TBXAS1: variants seen among roughly 807,000 people sequenced by gnomAD.
TBXAS1 encodes the protein thromboxane A synthase 1, also known as thromboxane-A synthase.
In TBXAS1, 48 loss-of-function variants were observed where a neutral mutation model predicts 60.7. The ratio of observed to expected loss-of-function variants is 0.79; its 90% CI spans 0.63 to 1.01. TBXAS1 has a LOEUF of 1.01. Ranked by LOEUF, TBXAS1 falls within the 50% of genes least tolerant of loss-of-function variation. The pLI is 0.00. For missense variants in TBXAS1, 685 were observed against 686.3 expected, an observed-to-expected ratio of 1.00 and a Z score of 0.02; for synonymous variants, 287 against 269.7, an observed-to-expected ratio of 1.06 and a Z score of -0.63.
At position 139,975,929 on chromosome 7, in the gene TBXAS1, T is replaced by C. The variant is rs1237422165; in HGVS notation, c.1134+13696T>C. Among the ~76,000 whole-genome samples, 2 of 152,236 alleles carry C rather than the reference T, an allele frequency of 1.3e-5. No individual in the cohort carries two copies. The highest frequency in any genetic ancestry group is 4.8e-5 in the African/African-American group (2 of 41,464). On this transcript the variant is annotated intron_variant, in intron 9 of 12. Transcript: ENST00000448866. This position sits in a 1 kb window ranked among gnomAD's most constrained non-coding sequence, Gnocchi z 4.4. ...AAACAGAGACGTCACCCAGGGTTGC[T>C]TTCTGCCACAGCAGGCACTCTGCTT...
At chr7:139,980,625 T>C (rs1156370534) in intron 9 of TBXAS1, among the ~76,000 whole-genome samples, 1 of 151,578 alleles carries the variant, frequency 6.6e-6, no homozygotes, top group Non-Finnish European at 1.5e-5. Context: ...CTCCACTTCC[T>C]CCCCTCGTTT....
intron 5 of TBXAS1, among the ~76,000 whole-genome samples, chr7:139,939,750 G>T (rs1212179659): frequency 6.6e-6 from 1 of 152,094 alleles, no homozygotes; most frequent in East Asian, 1.9e-4. Context: ...ATATTTAAGG[G>T]AGGAGCGGAG....
chr7:139,969,944 C>T (rs540129459), intron 9 of TBXAS1, among the ~76,000 whole-genome samples: 2 of 152,326 alleles, frequency 1.3e-5, no homozygotes, highest in Non-Finnish European at 1.5e-5. Context: ...CAAAGAACAG[C>T]GTCACTGCAG....
At chr7:139,809,249 A>AGAT (rs1461983993) in intron 4 of TBXAS1, among the ~76,000 whole-genome samples, 104 of 144,484 alleles carry the variant, frequency 7.2e-4, no homozygotes, top group African/African-American at 2.8e-3. Flanking sequence ...ATAGATAGAT[A>AGAT]GATAGATAGA....
intron 10 of TBXAS1, among the ~76,000 whole-genome samples, chr7:140,010,809 G>T (rs958862109): frequency 6.6e-6 from 1 of 152,126 alleles, no homozygotes; most frequent in African/African-American, 2.4e-5. Flanking sequence ...AATCTCTTAC[G>T]GGCAGGAACA....
intron 4 of TBXAS1, among the ~76,000 whole-genome samples, chr7:139,807,230 T>C (rs1797900504): frequency 1.3e-5 from 2 of 152,180 alleles, no homozygotes; most frequent in African/African-American, 2.4e-5. Flanking sequence ...TGCTGGATTC[T>C]GTTTCCTGCT....
chr7:139,898,651 T>C (rs531918760), intron 3 of TBXAS1, among the ~76,000 whole-genome samples: 7 of 152,198 alleles, frequency 4.6e-5, no homozygotes, highest in Admixed American at 6.5e-5. Flanking sequence ...GTGGGGGGTG[T>C]TGGGCTCCTG....
At chr7:139,905,469 C>T (rs1805003795) in intron 3 of TBXAS1, among the ~76,000 whole-genome samples, 2 of 152,104 alleles carry the variant, frequency 1.3e-5, no homozygotes, top group Admixed American at 1.3e-4. Context: ...ATGAAACCCA[C>T]CTGATGTTCG....
At chr7:139,931,090 CAT>C (rs1026577513) in intron 4 of TBXAS1, among the ~76,000 whole-genome samples, 32 of 152,002 alleles carry the variant, frequency 2.1e-4, no homozygotes, top group African/African-American at 7.3e-4. Context: ...TACATACACA[CAT>C]ACACACACAT....
In TBXAS1 at chr7:139,957,764, G is replaced by A. The variant is rs1241565356; in HGVS notation, c.819G>A (p.Glu273=). 2 of 1,614,050 alleles carry A rather than the reference G, an allele frequency of 1.2e-6. No individual in the cohort carries two copies. Among genetic ancestry groups the A allele is most frequent in the Admixed American group, 1.7e-5 (1 of 60,000 alleles). ...IALRDQQAAE[E]RRRDFLQMVL... ...TGCGGGACCAGCAAGCTGCCGAAGAGGTAACGTATTTTAATAGGACACAGC... is the reference window on the plus strand; with the variant it reads ...TGCGGGACCAGCAAGCTGCCGAAGAAGTAACGTATTTTAATAGGACACAGC... The change falls in exon 8 of 13, where the codon GAG becomes GAA. Residue 273 remains glutamate (E), a splice_region_variant and synonymous_variant. Coordinates refer to ENST00000448866, the MANE Select transcript of TBXAS1 (RefSeq NM_001061.7).
In TBXAS1 at chr7:139,975,175, TCTC is replaced by T. The variant is rs1325426249; in HGVS notation, c.1134+12946_1134+12948del. Among the ~76,000 whole-genome samples, 2 of 152,118 alleles carry T rather than the reference TCTC, an allele frequency of 1.3e-5. No individual in the cohort carries two copies. Among genetic ancestry groups the T allele is most frequent in the African/African-American group, 4.8e-5 (2 of 41,420 alleles). On this transcript the variant is annotated intron_variant, in intron 9 of 12. Coordinates refer to ENST00000448866, the MANE Select transcript of TBXAS1 (RefSeq NM_001061.7). This position sits in a 1 kb window ranked among gnomAD's most constrained non-coding sequence, Gnocchi z 4.4. ...GGCACGCCCATATTATTGAGGATAATCTCCTCAAAGTCAGCTGATTTTAAGTGT... is the reference window on the plus strand; with the variant it reads ...GGCACGCCCATATTATTGAGGATAATCTCAAAGTCAGCTGATTTTAAGTGT...
chr7:139,931,065 A>G (rs1807288405), intron 4 of TBXAS1, among the ~76,000 whole-genome samples: 1 of 152,100 alleles, frequency 6.6e-6, no homozygotes, highest in Non-Finnish European at 1.5e-5. Context: ...ATACACACAT[A>G]CACACGCATA....
In TBXAS1 at chr7:139,955,477, C is replaced by A. The variant is rs372676819; in HGVS notation, c.558C>A (p.Thr186=). 5.6e-6 allele frequency: 9 copies of A among 1,614,210 alleles called. No homozygotes were observed. The East Asian group carries it at 8.9e-5, about 16-fold the overall frequency. ...CCCGTAGGTGCTACTGCAATTACAC[C>A]ACAGATGTGGTTGCCAGCGTCGCCT... The part of the protein sequence containing the change: ...FDIQRCYCNY[T]TDVVASVAFG... Residue 186 remains threonine, a synonymous_variant, in exon 7 of 13, where the codon ACC becomes ACA. Coordinates refer to ENST00000448866, the MANE Select transcript of TBXAS1 (RefSeq NM_001061.7).
At chr7:139,943,907 C>T (rs183139482) in intron 5 of TBXAS1, among the ~76,000 whole-genome samples, 1 of 151,998 alleles carries the variant, frequency 6.6e-6, no homozygotes, top group Non-Finnish European at 1.5e-5. Context: ...GTTTAAATAC[C>T]TTCCCCCACC....
At position 139,959,007 on chromosome 7, in the gene TBXAS1, T is replaced by TCA. The variant is rs8192836; in HGVS notation, c.819+1273_819+1274dup. Among the ~76,000 whole-genome samples the TCA allele has an allele frequency of 6.9e-3, 1,034 of 149,844 alleles. 6 individuals are homozygous for TCA. Among genetic ancestry groups the TCA allele is most frequent in the South Asian group, 0.021 (101 of 4,722 alleles). On this transcript the variant is annotated intron_variant, in intron 8 of 12. Transcript: ENST00000448866. The stretch of plus-strand genomic sequence containing the variant: ...ACTAAGGGCCACCTTTTGAGAGTGT[T>TCA]CACACACACACACACACACACACAC...
upstream of TBXAS1, among the ~76,000 whole-genome samples, chr7:139,828,810 C>A (rs1316827245): frequency 6.6e-6 from 1 of 152,160 alleles, no homozygotes; most frequent in Non-Finnish European, 1.5e-5. Context: ...GTCCTCAGAC[C>A]CAGCAACTAA....
At chr7:139,869,197 C>T (rs899729676) in intron 1 of TBXAS1, among the ~76,000 whole-genome samples, 3 of 152,160 alleles carry the variant, frequency 2.0e-5, no homozygotes, top group African/African-American at 7.2e-5. Context: ...GAGAATCCTT[C>T]CTTGCCTCTT....
At chr7:139,880,539 A>C (rs962023976) in intron 3 of TBXAS1, among the ~76,000 whole-genome samples, 1 of 152,158 alleles carries the variant, frequency 6.6e-6, no homozygotes, top group African/African-American at 2.4e-5. Context: ...CACAGAGGCA[A>C]CCTCTCTTAA....
At chr7:139,937,132 G>A (rs751034496) in intron 5 of TBXAS1, among the ~76,000 whole-genome samples, 17 of 152,184 alleles carry the variant, frequency 1.1e-4, no homozygotes, top group Non-Finnish European at 1.9e-4. Context: ...TTTGGTGTTT[G>A]CTGTTCTGAA....
Sources: gnomAD v4.1 joint callset for allele counts (sites outside exome capture counted in the v4.1 genomes callset) on GRCh38, gnomAD v4.1.1 for gene constraint, Gnocchi (gnomAD v3.1) non-coding constraint, MANE v1.5 for transcripts, NCBI Gene and HGNC (gene_info 2026-07-23, HGNC 2026-07-21) for gene names.